The following UBE3B variants were observed in gnomAD, a reference collection of about 807,000 sequenced individuals.
The protein encoded by UBE3B is ubiquitin protein ligase E3B.
Under a neutral mutation model 132.3 loss-of-function variants are expected in UBE3B, and 80 were observed. That is an observed-to-expected ratio of 0.60 (90% CI 0.50 to 0.73). UBE3B has a LOEUF of 0.73. Ranked by LOEUF, UBE3B falls within the 30% of genes least tolerant of loss-of-function variation. The pLI, the probability that UBE3B is intolerant of heterozygous loss-of-function variation, is 0.00. For missense variants in UBE3B, 1,196 were observed against 1,362.5 expected (o/e 0.88, Z 1.92); for synonymous variants, 487 against 520.4 (o/e 0.94, Z 0.87).
intron 8 of UBE3B, chr12:109,490,797 A>G (rs1244175349): frequency 7.5e-6 from 10 of 1,339,128 alleles, no homozygotes; most frequent in African/African-American, 7.4e-5. Context: ...AAAACACTGC[A>G]TACGGTTTTT....
Position 109,509,639 on chromosome 12 carries a change from A to C in UBE3B, c.1666A>C (p.Lys556Gln). 1.9e-6 allele frequency: 3 copies of C among 1,611,034 alleles called. No individual in the cohort carries two copies. The African/African-American group carries it at 4.0e-5, about 22-fold the overall frequency. ...IEVYEEQISF[K>Q]LEELVTISSF... ...AGTTTATGAAGAACAGATTTCATTCAAACTGGAAGAGCTGGTCACTATCTC... is the reference window on the plus strand; with the variant it reads ...AGTTTATGAAGAACAGATTTCATTCCAACTGGAAGAGCTGGTCACTATCTC... The change falls in exon 16 of 28, where the codon AAA becomes CAA. Residue 556 changes from lysine (K) to glutamine (Q), a missense_variant. Coordinates refer to ENST00000342494, the MANE Select transcript of UBE3B (RefSeq NM_130466.4).
Position 109,498,217 on chromosome 12 carries a change from C to A in UBE3B, c.820-16C>A, listed in dbSNP as rs758974816. 3 of 1,613,568 alleles carry A rather than the reference C, an allele frequency of 1.9e-6. No individual in the cohort carries two copies. The South Asian group carries it at 3.3e-5, about 18-fold the overall frequency. On this transcript the variant is annotated splice_polypyrimidine_tract_variant and intron_variant, in intron 10 of 27. Coordinates refer to ENST00000342494, the MANE Select transcript of UBE3B (RefSeq NM_130466.4). ...TTCTGGCAGTTTCTGATTTAACGGT[C>A]TGCTATTCTTTGCAGCGCCTCACTG... is the stretch of plus-strand genomic sequence containing the variant.
rs947630776 is a variant in UBE3B at position 109,483,565 on chromosome 12, C to G, written c.14C>G (p.Ser5Cys). The G allele has an allele frequency of 6.3e-7, 1 of 1,585,836 alleles. No individual in the cohort carries two copies. The highest frequency in any genetic ancestry group is 8.5e-7 in the Non-Finnish European group (1 of 1,170,294). Reference sequence around the variant, plus strand: ...AAGTTTGCAAACATGTTCACCCTGTCTCAGACCTCGAGAGCATGGTTCATC... The same window carrying G: ...AAGTTTGCAAACATGTTCACCCTGTGTCAGACCTCGAGAGCATGGTTCATC... The part of the protein sequence containing the change: MFTL[S>C]QTSRAWFIDR... The change falls in exon 3 of 28, where the codon TCT becomes TGT. Residue 5 changes from serine to cysteine, a missense_variant. Ser to Cys is a moderately radical substitution (Grantham distance 112, BLOSUM62 -1). Coordinates refer to ENST00000342494, the MANE Select transcript of UBE3B (RefSeq NM_130466.4).
At chr12:109,516,565 C>T (rs1020943052) in intron 18 of UBE3B, among the ~76,000 whole-genome samples, 200 bp from the exon 19 acceptor site, 3 of 152,100 alleles carry the variant, frequency 2.0e-5, no homozygotes, top group Non-Finnish European at 4.4e-5. Flanking sequence ...CTTGTGTATT[C>T]AACAGTATTT....
downstream of UBE3B, among the ~76,000 whole-genome samples, chr12:109,537,512 G>T (rs957516642): frequency 6.6e-6 from 1 of 152,192 alleles, no homozygotes; most frequent in African/African-American, 2.4e-5. Flanking sequence ...GGAGAGGCTT[G>T]TGGCCTCTCT....
In UBE3B at chr12:109,534,753, A is replaced by G. The variant is rs139973666; in HGVS notation, c.3178A>G (p.Ser1060Gly). 7 of 1,578,294 alleles carry G rather than the reference A, an allele frequency of 4.4e-6. No homozygotes were observed. In the East Asian group the frequency reaches 1.4e-4, roughly 31 times the overall value. The part of the protein sequence containing the change: ...VLREKLRYAI[S>G]MNTGFELS Reference sequence around the variant, plus strand: ...CCGCGAGAAGCTGCGCTACGCCATCAGCATGAACACGGGCTTTGAACTCTC... The same window carrying G: ...CCGCGAGAAGCTGCGCTACGCCATCGGCATGAACACGGGCTTTGAACTCTC... Residue 1060 changes from serine to glycine, a missense_variant, in exon 28 of 28, where the codon AGC becomes GGC. By Grantham distance (56) the Ser-to-Gly change is moderately conservative. Coordinates refer to ENST00000342494, the MANE Select transcript of UBE3B (RefSeq NM_130466.4). The surrounding 1 kb of genome is among the most constrained non-coding windows in gnomAD (Gnocchi z 5.2).
In UBE3B at chr12:109,530,633, C is replaced by T. The variant is rs144573357; in HGVS notation, c.2897C>T (p.Pro966Leu). 36 of 1,614,046 alleles carry T rather than the reference C, an allele frequency of 2.2e-5. No homozygotes were observed. Among genetic ancestry groups the T allele is most frequent in the South Asian group, 1.4e-4 (13 of 91,080 alleles). The change falls in exon 26 of 28, where the codon CCG (proline) becomes CTG (leucine). Residue 966 changes from proline to leucine, a missense_variant. Coordinates refer to ENST00000342494, the MANE Select transcript of UBE3B (RefSeq NM_130466.4). ...LWDILASDFT[P>L]DERAMFLKFV... Reference sequence around the variant, plus strand: ...GATATTCTGGCCTCCGACTTCACACCGGATGAGAGAGCTATGTTTCTGAAG... The same window carrying T: ...GATATTCTGGCCTCCGACTTCACACTGGATGAGAGAGCTATGTTTCTGAAG...
At chr12:109,515,007 G>A (rs969183367) in intron 18 of UBE3B, among the ~76,000 whole-genome samples, 1 of 151,598 alleles carries the variant, frequency 6.6e-6, no homozygotes, top group Admixed American at 6.6e-5. Context: ...TCCACCTACC[G>A]GGTTCACGCC....
Position 109,516,753 on chromosome 12 carries a change from T to C in UBE3B, c.1957-12T>C, listed in dbSNP as rs775203882. 2 of 1,610,018 alleles carry C rather than the reference T, an allele frequency of 1.2e-6. No homozygotes were observed. Among genetic ancestry groups the C allele is most frequent in the African/African-American group, 1.3e-5 (1 of 74,816 alleles). On this transcript the variant is annotated splice_polypyrimidine_tract_variant and intron_variant, in intron 18 of 27. Coordinates refer to ENST00000342494, the MANE Select transcript of UBE3B (RefSeq NM_130466.4). Reference sequence around the variant, plus strand: ...TGACCCTGTTTTCTGATCCCGCCTTTGTTCATTTTAGAGAGTTCTACTGTT... The same window carrying C: ...TGACCCTGTTTTCTGATCCCGCCTTCGTTCATTTTAGAGAGTTCTACTGTT...
chr12:109,508,734 A>T, intron 15 of UBE3B: 1 of 985,502 alleles, frequency 1.0e-6, no homozygotes, highest in African/African-American at 1.7e-5. Flanking sequence ...GCCAAGAGTG[A>T]ATCTTATTCT....
chr12:109,485,744 A>G (rs184935835), intron 4 of UBE3B, among the ~76,000 whole-genome samples: 9 of 152,308 alleles, frequency 5.9e-5, no homozygotes, highest in Admixed American at 2.0e-4. Flanking sequence ...TTTTGAAAGA[A>G]GCCTCAATTT....
At position 109,477,634 on chromosome 12, in the gene UBE3B, G is replaced by T. The variant is rs901371626; in HGVS notation, c.-603G>T. ...TGCTTCCTGGCGGGGTTCTGAAAGCGAACACCGCGGGGCAAGATGGCGGTA... is the reference window on the plus strand; with the variant it reads ...TGCTTCCTGGCGGGGTTCTGAAAGCTAACACCGCGGGGCAAGATGGCGGTA... On this transcript the variant is annotated 5_prime_UTR_variant, in exon 1 of 28. Transcript: ENST00000342494. The T allele has an allele frequency of 3.8e-6, 1 of 260,180 alleles. No homozygotes were observed. Among genetic ancestry groups the T allele is most frequent in the Non-Finnish European group, 7.5e-6 (1 of 133,420 alleles). The allele number at this position is 260,180 out of a possible 1,614,324, so 16.1% of individuals were successfully genotyped here. A position where few individuals can be genotyped will look rare whatever the true frequency, so the allele number is the denominator to read the frequency against.
downstream of UBE3B, among the ~76,000 whole-genome samples, chr12:109,537,872 T>C (rs1040877585): frequency 6.6e-6 from 1 of 152,102 alleles, no homozygotes; most frequent in Non-Finnish European, 1.5e-5. Flanking sequence ...GCCTGGCTAA[T>C]TTTTTGTATT....
chr12:109,502,383 C>T (rs1035081873), intron 13 of UBE3B, among the ~76,000 whole-genome samples: 7 of 152,150 alleles, frequency 4.6e-5, no homozygotes, highest in Non-Finnish European at 5.9e-5. Context: ...GGAAGGTTCT[C>T]GTTGCACGCT....
At chr12:109,494,939 A>G (rs755119744) in intron 9 of UBE3B, among the ~76,000 whole-genome samples, 1 of 152,216 alleles carries the variant, frequency 6.6e-6, no homozygotes, top group Non-Finnish European at 1.5e-5. Context: ...GTACCCTTAT[A>G]ACAATGCAGT....
intron 26 of UBE3B, among the ~76,000 whole-genome samples, chr12:109,531,479 G>A (rs755377279): frequency 6.6e-6 from 1 of 152,180 alleles, no homozygotes. Context: ...CCATGTTCTG[G>A]TGGTAAATTT....
rs1883248212 is a variant in UBE3B at position 109,534,283 on chromosome 12, A to C, written c.3016-308A>C. On this transcript the variant is annotated intron_variant, in intron 27 of 27. Coordinates refer to ENST00000342494, the MANE Select transcript of UBE3B (RefSeq NM_130466.4). The surrounding 1 kb of genome is among the most constrained non-coding windows in gnomAD (Gnocchi z 5.2). ...AATGTTTGGGCACCTAACAGTTTTT[A>C]CAGCATTCTACTTTTTGTCAATTGG... 3 of 1,354,050 alleles carry C rather than the reference A, an allele frequency of 2.2e-6. No homozygotes were observed. Among genetic ancestry groups the C allele is most frequent in the African/African-American group, 2.9e-5 (2 of 68,160 alleles). The allele number at this position is 1,354,050 out of a possible 1,614,324, so 83.9% of individuals were successfully genotyped here.
At chr12:109,530,804 G>A (rs930285599) in intron 26 of UBE3B, 146 bp downstream of exon 26, 7 of 769,150 alleles carry the variant, frequency 9.1e-6, no homozygotes, top group South Asian at 5.1e-5. Context: ...CAGGCCTCCC[G>A]GTAGGCCAAG....
rs755799083 is a variant in UBE3B at position 109,483,965 on chromosome 12, T to A, written c.266T>A (p.Ile89Asn). The A allele has an allele frequency of 6.2e-7, 1 of 1,613,472 alleles. No individual in the cohort carries two copies. Among genetic ancestry groups the A allele is most frequent in the Non-Finnish European group, 8.5e-7 (1 of 1,179,774 alleles). ...IARKLLFLFRIKEDNERFEKL... is the reference protein window; with the variant it reads ...IARKLLFLFRNKEDNERFEKL... Reference sequence around the variant, plus strand: ...AGGAAACTGCTGTTCCTATTCAGAATCAAAGAGGATAATGAGGTAAAACGA... The same window carrying A: ...AGGAAACTGCTGTTCCTATTCAGAAACAAAGAGGATAATGAGGTAAAACGA... The change falls in exon 4 of 28, where the codon ATC (isoleucine) becomes AAC (asparagine). Residue 89 changes from isoleucine (I) to asparagine (N), a missense_variant. Ile to Asn is a moderately radical substitution (Grantham distance 149, BLOSUM62 -3). Transcript: ENST00000342494.
Sources: gnomAD v4.1 joint callset for allele counts (sites outside exome capture counted in the v4.1 genomes callset) on GRCh38, gnomAD v4.1.1 for gene constraint, Gnocchi (gnomAD v3.1) non-coding constraint, MANE v1.5 for transcripts, NCBI Gene and HGNC (gene_info 2026-07-23, HGNC 2026-07-21) for gene names.